The following ISYNA1 variants were observed in gnomAD, a reference collection of about 807,000 sequenced individuals.
ISYNA1 encodes MI-1-P synthase.
Under a neutral mutation model 50.3 loss-of-function variants are expected in ISYNA1, and 34 were observed. The observed-to-expected ratio is 0.68, with a 90% CI of 0.51 to 0.90. The LOEUF is 0.90. Among genes scored for constraint, ISYNA1 ranks in the 40% least tolerant of loss-of-function variants. The pLI, the probability that ISYNA1 is intolerant of heterozygous loss-of-function variation, is 0.00. For synonymous variants in ISYNA1, 396 were observed against 349.9 expected (o/e 1.13, Z -1.47); for missense variants, 718 against 784.8 (o/e 0.91, Z 1.02).
In ISYNA1 at chr19:18,434,602, C is replaced by T. The variant is rs931053107; in HGVS notation, c.*311G>A. The T allele has an allele frequency of 5.6e-6, 3 of 535,642 alleles. No homozygotes were observed. The highest frequency in any genetic ancestry group is 9.9e-6 in the Non-Finnish European group (3 of 302,556). The allele number at this position is 535,642 out of a possible 1,614,324, so 33.2% of individuals were successfully genotyped here. A position where few individuals can be genotyped will look rare whatever the true frequency, so the allele number is the denominator to read the frequency against. ...CCCTCTTTGGCCTTCTGCCACCACACTCTCCACCCTGTGGTCTTGTTCCGT... is the reference window on the plus strand; with the variant it reads ...CCCTCTTTGGCCTTCTGCCACCACATTCTCCACCCTGTGGTCTTGTTCCGT... On this transcript the variant is annotated 3_prime_UTR_variant, in exon 11 of 11. Transcript: ENST00000338128.
At chr19:18,437,531 G>C (rs1301143125) in intron 3 of ISYNA1, 68 bp downstream of exon 3, 3 of 702,618 alleles carry the variant, frequency 4.3e-6, no homozygotes, top group Non-Finnish European at 5.4e-6. Context: ...GCCCCCTGCA[G>C]GCTCCCGCCC....
Position 18,437,735 on chromosome 19 carries a change from G to A in ISYNA1, c.146C>T (p.Thr49Ile), listed in dbSNP as rs1328714846. The A allele has an allele frequency of 1.9e-6, 3 of 1,570,914 alleles. No individual in the cohort carries two copies. The highest frequency in any genetic ancestry group is 2.3e-5 in the South Asian group (2 of 86,470). Residue 49 changes from threonine to isoleucine, a missense_variant, in exon 3 of 11, where the codon ACC becomes ATC. Around this residue, in one of 3 missense-constraint regions of ISYNA1, gnomAD observed 403 missense variants for 466.6 expected, o/e 0.86. Transcript: ENST00000338128. ...GGGCACCTGCCGGGCGGTCCGGAAGGTGAAGCGCGTGGACGTGGGGTGCAC... is the reference window on the plus strand; with the variant it reads ...GGGCACCTGCCGGGCGGTCCGGAAGATGAAGCGCGTGGACGTGGGGTGCAC... ...LKVHPTSTRF[T>I]FRTARQVPRL...
intron 9 of ISYNA1, 23 bp downstream of exon 9, chr19:18,435,540 C>G (rs781082508): frequency 1.2e-6 from 2 of 1,604,578 alleles, no homozygotes; most frequent in East Asian, 4.5e-5. Flanking sequence ...CCTCCCATAG[C>G]AGCCCCTGAA....
Position 18,434,422 on chromosome 19 carries a change from C to A in ISYNA1, c.*491G>T. ...CATTTTATTAAAAACGCAAGGACCT[C>A]AGAGACGTTCTTTTCTGTATGGACC... On this transcript the variant is annotated 3_prime_UTR_variant, in exon 11 of 11. Coordinates refer to ENST00000338128, the MANE Select transcript of ISYNA1 (RefSeq NM_016368.5). The A allele has an allele frequency of 8.3e-7, 1 of 1,207,640 alleles. No homozygotes were observed. The highest frequency in any genetic ancestry group is 1.1e-6 in the Non-Finnish European group (1 of 910,802). 74.8% of individuals were successfully genotyped at this position (1,207,640 alleles called of 1,614,324 possible). A position where few individuals can be genotyped will look rare whatever the true frequency, so the allele number is the denominator to read the frequency against.
At position 18,435,631 on chromosome 19, in the gene ISYNA1, G is replaced by C. The variant is rs1487634323; in HGVS notation, c.1186C>G (p.Leu396Val). ...VPYVGDSKRA[L>V]DEYTSELMLG... is the part of the protein sequence containing the mutation. Reference sequence around the variant, plus strand: ...ATCAGCTCCGAGGTATACTCATCCAGCGCGCGCTTGCTGTCACCCACGTAC... The same window carrying C: ...ATCAGCTCCGAGGTATACTCATCCACCGCGCGCTTGCTGTCACCCACGTAC... Residue 396 changes from leucine (L) to valine (V), a missense_variant, in exon 9 of 11, where the codon CTG (leucine) becomes GTG (valine). Transcript: ENST00000338128. 6.2e-7 allele frequency: 1 copy of C among 1,611,292 alleles called. No individual in the cohort carries two copies. Among genetic ancestry groups the C allele is most frequent in the East Asian group, 2.2e-5 (1 of 44,770 alleles).
In ISYNA1 at chr19:18,437,755, G is replaced by T. The variant is rs1377355361; in HGVS notation, c.126C>A (p.His42Gln). Residue 42 changes from histidine to glutamine, a missense_variant, in exon 3 of 11, where the codon CAC (histidine) becomes CAA (glutamine). Around this residue, in one of 3 missense-constraint regions of ISYNA1, gnomAD observed 403 missense variants for 466.6 expected, o/e 0.86. Coordinates refer to ENST00000338128, the MANE Select transcript of ISYNA1 (RefSeq NM_016368.5). Reference sequence around the variant, plus strand: ...GGAAGGTGAAGCGCGTGGACGTGGGGTGCACCTGAAGACAGGCCGCGCAGT... The same window carrying T: ...GGAAGGTGAAGCGCGTGGACGTGGGTTGCACCTGAAGACAGGCCGCGCAGT... ...VSREGGVLKV[H>Q]PTSTRFTFRT... The T allele has an allele frequency of 1.9e-6, 3 of 1,580,308 alleles. No homozygotes were observed. The highest frequency in any genetic ancestry group is 2.7e-5 in the African/African-American group (2 of 74,344).
In ISYNA1 at chr19:18,434,471, C is replaced by G. The variant is rs1178103799; in HGVS notation, c.*442G>C. On this transcript the variant is annotated 3_prime_UTR_variant, in exon 11 of 11. Transcript: ENST00000338128. ...CCCTTCCTGCCATTTGTATTTTGTC[C>G]CAGAGAGAAAGGCTCTTTGGGGGGC... 1.1e-6 allele frequency: 1 copy of G among 926,938 alleles called. No individual in the cohort carries two copies. Among genetic ancestry groups the G allele is most frequent in the Non-Finnish European group, 1.5e-6 (1 of 672,644 alleles). The allele number at this position is 926,938 out of a possible 1,614,324, so 57.4% of individuals were successfully genotyped here.
chr19:18,437,737 G>A lies in ISYNA1; in HGVS notation c.144C>T (p.Phe48=), dbSNP rs1292772486. 20 of 1,571,294 alleles carry A rather than the reference G, an allele frequency of 1.3e-5. No homozygotes were observed. Among genetic ancestry groups the A allele is most frequent in the Non-Finnish European group, 1.6e-5 (19 of 1,161,648 alleles). Residue 48 remains phenylalanine (F), a synonymous_variant, in exon 3 of 11, where the codon TTC becomes TTT. Coordinates refer to ENST00000338128, the MANE Select transcript of ISYNA1 (RefSeq NM_016368.5). ...GCACCTGCCGGGCGGTCCGGAAGGT[G>A]AAGCGCGTGGACGTGGGGTGCACCT... ...VLKVHPTSTR[F]TFRTARQVPR... is the part of the protein sequence containing the mutation.
chr19:18,437,421 C>A lies in ISYNA1; in HGVS notation c.282+178G>T. The stretch of plus-strand genomic sequence containing the variant: ...AGCTTCGCCCCCTGCAGGTCCCTCG[C>A]CCACTACAGGCCTCCAGACCCGGGC... On this transcript the variant is annotated intron_variant, in intron 3 of 10. Coordinates refer to ENST00000338128, the MANE Select transcript of ISYNA1 (RefSeq NM_016368.5). The A allele has an allele frequency of 2.7e-6, 3 of 1,129,562 alleles. No homozygotes were observed. In the South Asian group the frequency reaches 5.5e-5, roughly 21 times the overall value. The allele number at this position is 1,129,562 out of a possible 1,614,324, so 70.0% of individuals were successfully genotyped here.
Position 18,437,991 on chromosome 19 carries a change from GGGGGCCC to G in ISYNA1, c.-9-10_-9-4del. On this transcript the variant is annotated splice_region_variant and splice_polypyrimidine_tract_variant and intron_variant, in intron 1 of 10. Coordinates refer to ENST00000338128, the MANE Select transcript of ISYNA1 (RefSeq NM_016368.5). ...GCGGCGGCCTCCATCGCGGCGGGCT[GGGGGCCC>G]GGGGTGAGCAGGGGGTCAGCGGGGA... The G allele has an allele frequency of 6.4e-7, 1 of 1,555,460 alleles. No homozygotes were observed. Among genetic ancestry groups the G allele is most frequent in the East Asian group, 2.4e-5 (1 of 41,632 alleles).
At position 18,436,323 on chromosome 19, in the gene ISYNA1, C is replaced by A. The variant is rs1290295766; in HGVS notation, c.759+7G>T. On this transcript the variant is annotated splice_region_variant and intron_variant, in intron 6 of 10. Coordinates refer to ENST00000338128, the MANE Select transcript of ISYNA1 (RefSeq NM_016368.5). Reference sequence around the variant, plus strand: ...GCCTGACCCGCTCCACCCGGGCGTTCGCCCACCTCAATGGTGCGCAGCAGG... The same window carrying A: ...GCCTGACCCGCTCCACCCGGGCGTTAGCCCACCTCAATGGTGCGCAGCAGG... The A allele has an allele frequency of 6.2e-7, 1 of 1,611,240 alleles. No individual in the cohort carries two copies.
intron 3 of ISYNA1, 145 bp from the exon 4 acceptor site, chr19:18,437,250 G>T: frequency 7.0e-7 from 1 of 1,433,712 alleles, no homozygotes; most frequent in Non-Finnish European, 9.1e-7. Context: ...GGAAGCCGCT[G>T]CCCCCAGGCC....
chr19:18,437,132 G>T, intron 3 of ISYNA1, 27 bp from the exon 4 acceptor site: 1 of 1,546,430 alleles, frequency 6.5e-7, no homozygotes. Flanking sequence ...ACGGCGAGGT[G>T]ACGGGTGGGA....
chr19:18,436,710 G>A lies in ISYNA1; in HGVS notation c.583C>T (p.Leu195Phe). ...AANQSARADN[L>F]IPGSRAQQLE... ...TGCTGCGCACGCGAGCCTGGGATGAGGTTGTCCGCGCGCGCGCTCTGGTTG... is the reference window on the plus strand; with the variant it reads ...TGCTGCGCACGCGAGCCTGGGATGAAGTTGTCCGCGCGCGCGCTCTGGTTG... Residue 195 changes from leucine to phenylalanine, a missense_variant, in exon 5 of 11, where the codon CTC (leucine) becomes TTC (phenylalanine). Around this residue, in one of 3 missense-constraint regions of ISYNA1, gnomAD observed 403 missense variants for 466.6 expected, o/e 0.86. Transcript: ENST00000338128. 1 of 1,566,284 alleles carries A rather than the reference G, an allele frequency of 6.4e-7. No homozygotes were observed. The highest frequency in any genetic ancestry group is 8.6e-7 in the Non-Finnish European group (1 of 1,159,380).
At position 18,437,209 on chromosome 19, in the gene ISYNA1, C is replaced by T. The variant is rs1974094063; in HGVS notation, c.283-104G>A. On this transcript the variant is annotated intron_variant, in intron 3 of 10. Transcript: ENST00000338128. The stretch of plus-strand genomic sequence containing the variant: ...TCTCAAGCCCCGCCCCACTTTCGGG[C>T]ATTTTTCAGTTCCAGGCTCACAGCC... 31 of 1,458,446 alleles carry T rather than the reference C, an allele frequency of 2.1e-5. No individual in the cohort carries two copies. In the South Asian group the frequency reaches 3.5e-4, roughly 17 times the overall value. The allele number at this position is 1,458,446 out of a possible 1,614,324, so 90.3% of individuals were successfully genotyped here.
Position 18,434,656 on chromosome 19 carries a change from G to T in ISYNA1, c.*257C>A. On this transcript the variant is annotated 3_prime_UTR_variant, in exon 11 of 11. Coordinates refer to ENST00000338128, the MANE Select transcript of ISYNA1 (RefSeq NM_016368.5). ...CGCCCCCATCTAGCCCCACCTTTGA[G>T]AACTGGGGGCAGAGCGAGGCTCCAG... 1.7e-6 allele frequency: 1 copy of T among 574,574 alleles called. No homozygotes were observed. The highest frequency in any genetic ancestry group is 2.1e-5 in the South Asian group (1 of 47,882). The allele number at this position is 574,574 out of a possible 1,614,324, so 35.6% of individuals were successfully genotyped here.
intron 10 of ISYNA1, 58 bp from the exon 11 acceptor site, chr19:18,435,175 TC>T: frequency 6.2e-7 from 1 of 1,601,916 alleles, no homozygotes; most frequent in Non-Finnish European, 8.5e-7. Flanking sequence ...AGGGGGGGTA[TC>T]CCTGCCACCT....
At chr19:18,437,449 G>T in intron 3 of ISYNA1, 150 bp downstream of exon 3, 2 of 1,000,796 alleles carry the variant, frequency 2.0e-6, no homozygotes, top group Admixed American at 3.6e-5. Flanking sequence ...ACCCGGGCAG[G>T]TCCCTCGCCC....
rs769694096 is a variant in ISYNA1 at position 18,435,867 on chromosome 19, A to AT, written c.1029dup (p.Ser344IlefsTer9). 6.2e-7 allele frequency: 1 copy of AT among 1,614,036 alleles called. No homozygotes were observed. The highest frequency in any genetic ancestry group is 8.5e-7 in the Non-Finnish European group (1 of 1,179,956). ...TTAGAGCGGAACTGCAATGGCGCCG[A>AT]TAGGTTCTCCCCATCGTTGTTGCCC... On this transcript the variant is annotated frameshift_variant, in exon 8 of 11. Transcript: ENST00000338128. LOFTEE classifies it high-confidence loss of function.
Sources: gnomAD v4.1 joint callset for allele counts on GRCh38, gnomAD v4.1.1 for gene constraint, gnomAD v4.1.1 regional missense constraint, MANE v1.5 for transcripts, NCBI Gene and HGNC (gene_info 2026-07-23, HGNC 2026-07-21) for gene names.